Variants in NHSL1 observed in about 807,000 individuals in gnomAD.
NHSL1 encodes NHS like 1.
Under a neutral mutation model 95.0 loss-of-function variants are expected in NHSL1, and 48 were observed. The observed-to-expected ratio is 0.51, with a 90% confidence interval of 0.40 to 0.64. The LOEUF is 0.64. Among genes scored for constraint, NHSL1 ranks in the 30% least tolerant of loss-of-function variants. The probability of loss-of-function intolerance (pLI) is 0.00; values close to 1 mark genes in which losing one functional copy is unlikely to be tolerated. For synonymous variants in NHSL1, 783 were observed against 833.9 expected (o/e 0.94, Z 1.05); for missense variants, 1,971 against 2,077.7 (o/e 0.95, Z 1.00).
intron 1 of NHSL1, among the ~76,000 whole-genome samples, chr6:138,622,533 G>T (rs1332413381): frequency 1.3e-5 from 2 of 152,088 alleles, no homozygotes; most frequent in African/African-American, 4.8e-5. Flanking sequence ...ACGTGGGGGT[G>T]TTTCATGAGG....
At chr6:138,530,537 T>C (rs9321663) in intron 1 of NHSL1, among the ~76,000 whole-genome samples, 3,336 of 152,206 alleles carry the variant, frequency 0.022, 107 homozygotes, top group African/African-American at 0.077. Context: ...AAATGCCCAA[T>C]AACTGAAGAG....
In NHSL1 at chr6:138,422,719, CTGAT is replaced by C. The variant is rs1395477889; in HGVS notation, c.*1358_*1361del. 1 of 152,094 alleles carries C rather than the reference CTGAT, an allele frequency of 6.6e-6. No individual in the cohort carries two copies. The highest frequency in any genetic ancestry group is 1.5e-5 in the Non-Finnish European group (1 of 68,018). The allele number at this position is 152,094 out of a possible 1,614,324, so 9.4% of individuals were successfully genotyped here. On this transcript the variant is annotated 3_prime_UTR_variant, in exon 8 of 8. Transcript: ENST00000343505. ...TCCCATGTCTAAAATTGTTGAAAAT[CTGAT>C]TGGAGAAGATTAGAAGTAATTAGCA... is the stretch of plus-strand genomic sequence containing the variant.
At chr6:138,438,655 C>A (rs1776339477) in intron 5 of NHSL1, among the ~76,000 whole-genome samples, 2 of 151,206 alleles carry the variant, frequency 1.3e-5, no homozygotes, top group South Asian at 4.2e-4. Flanking sequence ...TATACTTTTT[C>A]TTTTATTAAT....
chr6:138,655,230 C>T (rs749070099), intron 1 of NHSL1, among the ~76,000 whole-genome samples: 2 of 152,156 alleles, frequency 1.3e-5, no homozygotes, highest in African/African-American at 2.4e-5. Context: ...CATAAAAATA[C>T]AATTAAAAAT....
At chr6:138,502,383 C>T (rs9495092), upstream of NHSL1, among the ~76,000 whole-genome samples, 20,484 of 151,840 alleles carry the variant, frequency 0.13, 2,521 homozygotes, top group East Asian at 0.37. Flanking sequence ...TCTTCTGGAA[C>T]TGTATTTTTT....
At chr6:138,496,934 T>C (rs997768841) in intron 1 of NHSL1, among the ~76,000 whole-genome samples, 4 of 152,200 alleles carry the variant, frequency 2.6e-5, no homozygotes, top group African/African-American at 9.6e-5. Flanking sequence ...AGCTAATACA[T>C]GTGGAGACCC....
intron 1 of NHSL1, among the ~76,000 whole-genome samples, chr6:138,529,337 C>T (rs1053101232): frequency 5.3e-5 from 8 of 152,200 alleles, no homozygotes; most frequent in African/African-American, 1.7e-4. Context: ...CAAAGCAAGA[C>T]ACTCCTGTCC....
chr6:138,577,287 G>A (rs1416962490), upstream of NHSL1, among the ~76,000 whole-genome samples: 1 of 152,208 alleles, frequency 6.6e-6, no homozygotes, highest in African/African-American at 2.4e-5. Flanking sequence ...TGTGTAAAAT[G>A]CCAGCCAAAA....
intron 4 of NHSL1, among the ~76,000 whole-genome samples, chr6:138,443,444 G>C (rs1776659418): frequency 6.6e-6 from 1 of 152,224 alleles, no homozygotes; most frequent in South Asian, 2.1e-4. Flanking sequence ...TGAGGGGCAA[G>C]TCACAACTGC....
At position 138,679,345 on chromosome 6, in the gene NHSL1, G is replaced by A. The variant is rs115357716; in HGVS notation, c.96+13131C>T. Among the ~76,000 whole-genome samples, 1,202 of 152,244 alleles carry A rather than the reference G, an allele frequency of 7.9e-3. 11 individuals carry two copies. The highest frequency in any genetic ancestry group is 0.012 in the South Asian group (58 of 4,824). ...ACATGATAATTGATTAGACCAATAGGCATGCTGCTCAAGTAAAGAACCATA... is the reference window on the plus strand; with the variant it reads ...ACATGATAATTGATTAGACCAATAGACATGCTGCTCAAGTAAAGAACCATA... On this transcript the variant is annotated intron_variant, in intron 1 of 3. Coordinates refer to the NHSL1 transcript ENST00000491526.
upstream of NHSL1, chr6:138,545,882 G>A (rs769720878): frequency 1.2e-4 from 114 of 962,638 alleles, no homozygotes; most frequent in Non-Finnish European, 1.4e-4. Flanking sequence ...TCTTGAAAGG[G>A]GAAAGGAGCC....
At chr6:138,472,288 T>G (rs1336608441) in intron 3 of NHSL1, among the ~76,000 whole-genome samples, 1 of 152,128 alleles carries the variant, frequency 6.6e-6, no homozygotes, top group Non-Finnish European at 1.5e-5. Flanking sequence ...GGCAGGGTCT[T>G]GTTTTATTGC....
At chr6:138,650,037 C>T (rs1222676215) in intron 1 of NHSL1, among the ~76,000 whole-genome samples, 1 of 152,192 alleles carries the variant, frequency 6.6e-6, no homozygotes, top group African/African-American at 2.4e-5. Flanking sequence ...CCACTGGGTG[C>T]AGCCTCACCT....
At chr6:138,478,231 T>G (rs1313367815) in intron 2 of NHSL1, among the ~76,000 whole-genome samples, 1 of 151,974 alleles carries the variant, frequency 6.6e-6, no homozygotes, top group Non-Finnish European at 1.5e-5. Flanking sequence ...TCTGCCTGCC[T>G]TGGCCTCCCA....
intron 1 of NHSL1, among the ~76,000 whole-genome samples, chr6:138,605,960 T>G (rs571774224): frequency 1.3e-5 from 2 of 152,358 alleles, no homozygotes; most frequent in East Asian, 3.8e-4. Flanking sequence ...AACAGCTCAC[T>G]TAACTTCTCT....
chr6:138,562,104 C>A (rs938807428), intron 1 of NHSL1, among the ~76,000 whole-genome samples: 3 of 152,090 alleles, frequency 2.0e-5, no homozygotes, highest in East Asian at 1.9e-4. Context: ...GCATCCCCAG[C>A]CTCACACCAC....
At chr6:138,429,533 C>G (rs1355377343) in intron 7 of NHSL1, among the ~76,000 whole-genome samples, 178 bp downstream of exon 7, 1 of 152,042 alleles carries the variant, frequency 6.6e-6, no homozygotes, top group Admixed American at 6.5e-5. Flanking sequence ...CAAAGTAAAA[C>G]AGAAATTGGA....
intron 1 of NHSL1, among the ~76,000 whole-genome samples, chr6:138,656,020 T>C (rs1016397998): frequency 6.6e-6 from 1 of 152,202 alleles, no homozygotes; most frequent in Non-Finnish European, 1.5e-5. Context: ...CCCTCTTTCC[T>C]CTTCTTTCTG....
chr6:138,622,816 T>C (rs1286265969), intron 1 of NHSL1, among the ~76,000 whole-genome samples: 2 of 152,184 alleles, frequency 1.3e-5, no homozygotes, highest in African/African-American at 4.8e-5. Flanking sequence ...GAGATAAATA[T>C]AAATGCAGTT....
Sources: gnomAD v4.1 joint callset for allele counts (sites outside exome capture counted in the v4.1 genomes callset) on GRCh38, gnomAD v4.1.1 for gene constraint, MANE v1.5 for transcripts, NCBI Gene and HGNC (gene_info 2026-07-23, HGNC 2026-07-21) for gene names.